The following GRM3 variants were observed in gnomAD, a reference collection of about 807,000 sequenced individuals.
GRM3 encodes glutamate metabotropic receptor 3, also known as metabotropic glutamate receptor 3.
A neutral mutation model predicts 70.5 loss-of-function variants in GRM3; 26 were observed. The observed-to-expected ratio is 0.37, with a 90% confidence interval of 0.27 to 0.51. The LOEUF is 0.51. GRM3 is among the 20% of genes least tolerant of loss of function. The pLI, the probability that GRM3 is intolerant of heterozygous loss-of-function variation, is 0.93. For synonymous variants in GRM3, 443 were observed against 434.9 expected, an observed-to-expected ratio of 1.02 and a Z score of -0.23; for missense variants, 859 against 1,123.8, an observed-to-expected ratio of 0.76 and a Z score of 3.37.
chr7:86,679,567 C>T (rs192293645), intron 1 of GRM3, among the ~76,000 whole-genome samples: 296 of 150,734 alleles, frequency 2.0e-3, no homozygotes, highest in Admixed American at 3.5e-3. Context: ...ACACAGCCAA[C>T]GTTTTCAAAA....
chr7:86,720,360 A>G (rs79645685), intron 1 of GRM3, among the ~76,000 whole-genome samples: 2,575 of 152,138 alleles, frequency 0.017, 73 homozygotes, highest in African/African-American at 0.058. Context: ...AGGTACCAGC[A>G]AGGCACTAAA....
chr7:86,799,702 AT>A (rs113769985), intron 3 of GRM3, among the ~76,000 whole-genome samples: 1 of 151,254 alleles, frequency 6.6e-6, no homozygotes, highest in Non-Finnish European at 1.5e-5. Context: ...AATTCTTTGT[AT>A]TTTTTTTAGT....
At chr7:86,831,017 G>A (rs1388559246) in intron 3 of GRM3, among the ~76,000 whole-genome samples, 1 of 152,150 alleles carries the variant, frequency 6.6e-6, no homozygotes, top group African/African-American at 2.4e-5. Flanking sequence ...GCATGGGAGA[G>A]ATTCTCCCTC....
At chr7:86,701,158 T>C (rs1794938814) in intron 1 of GRM3, among the ~76,000 whole-genome samples, 1 of 151,828 alleles carries the variant, frequency 6.6e-6, no homozygotes, top group African/African-American at 2.4e-5. Flanking sequence ...AAATACAACC[T>C]GAAAAAGATA....
chr7:86,678,100 C>T (rs568607635), intron 1 of GRM3, among the ~76,000 whole-genome samples: 12 of 151,912 alleles, frequency 7.9e-5, no homozygotes, highest in African/African-American at 2.7e-4. Context: ...GAATTTGGTT[C>T]TAACTTTAAA....
At chr7:86,831,875 A>G (rs989928313) in intron 3 of GRM3, among the ~76,000 whole-genome samples, 1 of 149,874 alleles carries the variant, frequency 6.7e-6, no homozygotes, top group Non-Finnish European at 1.5e-5. Flanking sequence ...GTATTTACTG[A>G]GTGTTTTCCA....
intron 3 of GRM3, among the ~76,000 whole-genome samples, chr7:86,814,496 A>G (rs969271249): frequency 8.6e-5 from 13 of 151,922 alleles, no homozygotes; most frequent in Admixed American, 7.9e-4. Context: ...ATAAACTTCA[A>G]AAAAAGACTA....
At chr7:86,648,789 A>G (rs1482348458) in intron 1 of GRM3, among the ~76,000 whole-genome samples, 2 of 152,276 alleles carry the variant, frequency 1.3e-5, no homozygotes, top group South Asian at 2.1e-4. Context: ...GTTCCAAGAC[A>G]TCCGTGTGTA....
At chr7:86,856,021 C>T (rs946638751) in intron 5 of GRM3, among the ~76,000 whole-genome samples, 2 of 152,106 alleles carry the variant, frequency 1.3e-5, no homozygotes, top group East Asian at 1.9e-4. Flanking sequence ...ATATCATACA[C>T]GTAAATCTTC....
At chr7:86,738,981 TTTTG>T (rs1468455315) in intron 1 of GRM3, among the ~76,000 whole-genome samples, 3 of 152,150 alleles carry the variant, frequency 2.0e-5, no homozygotes, top group African/African-American at 4.8e-5. Context: ...CCAGGTCTCT[TTTTG>T]TTTGTTTTCA....
At chr7:86,806,317 T>C (rs538987333) in intron 3 of GRM3, among the ~76,000 whole-genome samples, 3 of 152,334 alleles carry the variant, frequency 2.0e-5, no homozygotes, top group African/African-American at 7.2e-5. Context: ...CCCTGAGGAA[T>C]CGCCACACTG....
intron 1 of GRM3, among the ~76,000 whole-genome samples, chr7:86,691,482 AAGGATAATTAAAGAAATAGGGCATAT>A (rs759977818): frequency 6.6e-6 from 1 of 152,214 alleles, no homozygotes; most frequent in Non-Finnish European, 1.5e-5. Context: ...AGCTAGTTCA[AAGGATAATTAAAGAAATAGGGCATAT>A]AGGAAAGGCA....
Position 86,765,368 on chromosome 7 carries a change from G to T in GRM3, c.223G>T (p.Ala75Ser). 1 of 1,613,976 alleles carries T rather than the reference G, an allele frequency of 6.2e-7. No individual in the cohort carries two copies. The highest frequency in any genetic ancestry group is 1.7e-5 in the Admixed American group (1 of 59,980). The part of the protein sequence containing the change: ...GIQRLEAMLF[A>S]IDEINKDDYL... ...TCAACGCCTGGAAGCCATGTTGTTT[G>T]CTATTGATGAAATCAACAAAGATGA... The change falls in exon 2 of 6, where the codon GCT becomes TCT. Residue 75 changes from alanine (A) to serine (S), a missense_variant. Transcript: ENST00000361669.
intron 1 of GRM3, among the ~76,000 whole-genome samples, chr7:86,674,966 G>A (rs1296130266): frequency 2.0e-5 from 3 of 152,000 alleles, no homozygotes; most frequent in Non-Finnish European, 1.5e-5. Context: ...CTAGGCCAAG[G>A]ACTCATCTCT....
chr7:86,745,456 C>T (rs1221540761), intron 1 of GRM3, among the ~76,000 whole-genome samples: 2 of 152,048 alleles, frequency 1.3e-5, no homozygotes, highest in Non-Finnish European at 2.9e-5. Flanking sequence ...AAGATGAAAA[C>T]AATATAAGTA....
At chr7:86,760,002 A>G (rs924668746) in intron 1 of GRM3, among the ~76,000 whole-genome samples, 1 of 152,176 alleles carries the variant, frequency 6.6e-6, no homozygotes, top group African/African-American at 2.4e-5. Context: ...GAAAAATTAC[A>G]GAATCATAAT....
rs796541263 is a variant in GRM3, at chr7:86,864,638, C to CAA, written c.*294_*295dup. 2.4e-4 allele frequency: 11 copies of CAA among 45,734 alleles called. No individual in the cohort carries two copies. Among genetic ancestry groups the CAA allele is most frequent in the African/African-American group, 8.1e-4 (8 of 9,832 alleles). The allele number at this position is 45,734 out of a possible 1,614,324, so 2.8% of individuals were successfully genotyped here. A position where few individuals can be genotyped will look rare whatever the true frequency, so the allele number is the denominator to read the frequency against. On this transcript the variant is annotated 3_prime_UTR_variant, in exon 6 of 6. Coordinates refer to ENST00000361669, the MANE Select transcript of GRM3 (RefSeq NM_000840.3). ...CTGACATGGTCAGTCTACTAAAAAA[C>CAA]AAAAAAAAAAAACAAAAAAAAAAAA...
intron 1 of GRM3, among the ~76,000 whole-genome samples, chr7:86,748,768 T>C (rs1328701793): frequency 6.6e-6 from 1 of 152,046 alleles, no homozygotes; most frequent in Non-Finnish European, 1.5e-5. Flanking sequence ...AGGGCTACTG[T>C]CCTGTTGTTC....
intron 3 of GRM3, among the ~76,000 whole-genome samples, chr7:86,807,764 C>T (rs2096292158): frequency 6.6e-6 from 1 of 152,066 alleles, no homozygotes; most frequent in African/African-American, 2.4e-5. Context: ...TTGCCCTGGC[C>T]AGAACTTCCA....
Sources: gnomAD v4.1 joint callset for allele counts (sites outside exome capture counted in the v4.1 genomes callset) on GRCh38, gnomAD v4.1.1 for gene constraint, MANE v1.5 for transcripts, NCBI Gene and HGNC (gene_info 2026-07-23, HGNC 2026-07-21) for gene names.